Variants in LAPTM4B observed in about 807,000 individuals in gnomAD.
LAPTM4B encodes lysosomal protein transmembrane 4 beta, also known as lysosomal-associated transmembrane protein 4B.
In LAPTM4B, 26 loss-of-function variants were observed where a neutral mutation model predicts 28.5. The ratio of observed to expected loss-of-function variants is 0.91; its 90% CI spans 0.67 to 1.27. The LOEUF (loss-of-function observed/expected upper bound fraction) is 1.27, where lower values mean the gene tolerates loss of function less well. LAPTM4B is among the 50% of genes most tolerant of loss of function. The pLI, the probability that LAPTM4B is intolerant of heterozygous loss-of-function variation, is 0.00. For synonymous variants in LAPTM4B, 109 were observed against 106.4 expected, an observed-to-expected ratio of 1.02 and a Z score of -0.15; for missense variants, 288 against 285.8, an observed-to-expected ratio of 1.01 and a Z score of -0.06.
chr8:97,843,641 G>A (rs968712433), intron 6 of LAPTM4B, among the ~76,000 whole-genome samples: 1 of 151,996 alleles, frequency 6.6e-6, no homozygotes, highest in Non-Finnish European at 1.5e-5. Flanking sequence ...TTAGCCAGGT[G>A]TGGTGGCAGG....
chr8:97,790,459 A>G (rs1414878288), intron 1 of LAPTM4B, among the ~76,000 whole-genome samples: 5 of 151,468 alleles, frequency 3.3e-5, no homozygotes, highest in African/African-American at 1.2e-4. Context: ...CTAAAGGCAC[A>G]TACCACCATG....
intron 1 of LAPTM4B, among the ~76,000 whole-genome samples, chr8:97,794,329 C>T (rs1816549528): frequency 6.6e-6 from 1 of 152,108 alleles, no homozygotes; most frequent in South Asian, 2.1e-4. Flanking sequence ...ATTAGCTCAT[C>T]TTGAACTTTT....
At chr8:97,846,983 G>A (rs145840184) in intron 6 of LAPTM4B, among the ~76,000 whole-genome samples, 38 of 152,300 alleles carry the variant, frequency 2.5e-4, no homozygotes, top group African/African-American at 8.9e-4. Flanking sequence ...TGTTGATGTA[G>A]CTGAGAAGAA....
intron 6 of LAPTM4B, among the ~76,000 whole-genome samples, chr8:97,844,306 A>G (rs1420719623): frequency 6.6e-6 from 1 of 152,080 alleles, no homozygotes; most frequent in Non-Finnish European, 1.5e-5. Context: ...TATGTTGCCT[A>G]GGCTGGTCCT....
chr8:97,801,854 A>G, intron 1 of LAPTM4B, among the ~76,000 whole-genome samples: 1 of 151,878 alleles, frequency 6.6e-6, no homozygotes, highest in Admixed American at 6.6e-5. Flanking sequence ...AAAAAAAAAA[A>G]AAAAAAAGTA....
At chr8:97,805,320 A>AT in intron 1 of LAPTM4B, 33 bp from the exon 2 acceptor site, 1 of 1,087,020 alleles carries the variant, frequency 9.2e-7, no homozygotes, top group South Asian at 1.4e-5. Context: ...GGGTTACTTA[A>AT]ATTCTTTTTT....
Position 97,805,297 on chromosome 8 carries a change from G to A in LAPTM4B, c.100-56G>A, listed in dbSNP as rs1300729559. ...TGGTCAGTGTAATTTTCTATTATAA[G>A]GATTGCATCCTGGGGTTACTTAAAT... On this transcript the variant is annotated intron_variant, in intron 1 of 6. Transcript: ENST00000521545. 7 of 1,010,666 alleles carry A rather than the reference G, an allele frequency of 6.9e-6. No homozygotes were observed. In the Middle Eastern group the frequency reaches 6.6e-4, roughly 96 times the overall value. The allele number at this position is 1,010,666 out of a possible 1,614,324, so 62.6% of individuals were successfully genotyped here. A position where few individuals can be genotyped will look rare whatever the true frequency, so the allele number is the denominator to read the frequency against.
intron 6 of LAPTM4B, among the ~76,000 whole-genome samples, chr8:97,831,457 G>A (rs773838458): frequency 2.6e-5 from 4 of 152,158 alleles, no homozygotes; most frequent in Non-Finnish European, 5.9e-5. Context: ...ATTTTAGGAA[G>A]CCTTGGGGAG....
intron 1 of LAPTM4B, among the ~76,000 whole-genome samples, chr8:97,790,280 G>A (rs1816478129): frequency 6.6e-6 from 1 of 151,344 alleles, no homozygotes; most frequent in Non-Finnish European, 1.5e-5. Context: ...AGTTTTTTGA[G>A]GAACCTCCAA....
intron 1 of LAPTM4B, among the ~76,000 whole-genome samples, chr8:97,799,232 C>G (rs1816635906): frequency 1.3e-5 from 2 of 152,182 alleles, no homozygotes; most frequent in African/African-American, 4.8e-5. Flanking sequence ...CTTAGCCAGA[C>G]TATTGTAGGT....
Position 97,779,468 on chromosome 8 carries a change from G to A in LAPTM4B, c.99+3360G>A, listed in dbSNP as rs149156489. On this transcript the variant is annotated intron_variant, in intron 1 of 6. Coordinates refer to ENST00000521545, the MANE Select transcript of LAPTM4B (RefSeq NM_018407.6). ...CCACTGCACTCTAGCCTGGGTGACA[G>A]TGAGACTCTGTCTCAAAAAAAGAAA... Among the ~76,000 whole-genome samples, 1,093 of 152,060 alleles carry A rather than the reference G, an allele frequency of 7.2e-3. 16 individuals carry two copies. Among genetic ancestry groups the A allele is most frequent in the African/African-American group, 0.024 (1,010 of 41,458 alleles).
At chr8:97,788,535 C>T (rs1403931840) in intron 1 of LAPTM4B, among the ~76,000 whole-genome samples, 1 of 152,094 alleles carries the variant, frequency 6.6e-6, no homozygotes, top group Non-Finnish European at 1.5e-5. Context: ...CAGGTATGAG[C>T]CACCACGCCT....
At chr8:97,844,288 G>A (rs953471529) in intron 6 of LAPTM4B, among the ~76,000 whole-genome samples, 2 of 151,984 alleles carry the variant, frequency 1.3e-5, no homozygotes, top group African/African-American at 4.8e-5. Context: ...GTTGAGATGG[G>A]GTCTTGCTAT....
At chr8:97,849,916 C>A (rs927465930) in intron 6 of LAPTM4B, among the ~76,000 whole-genome samples, 2 of 149,466 alleles carry the variant, frequency 1.3e-5, no homozygotes, top group Non-Finnish European at 2.9e-5. Flanking sequence ...GGTGGCAGCG[C>A]CTCTCAGGCG....
chr8:97,823,792 G>T (rs1817049141), intron 5 of LAPTM4B, among the ~76,000 whole-genome samples: 1 of 151,464 alleles, frequency 6.6e-6, no homozygotes, highest in Non-Finnish European at 1.5e-5. Context: ...CCACCTCCCG[G>T]GTTCAAGCAA....
intron 3 of LAPTM4B, among the ~76,000 whole-genome samples, chr8:97,815,787 C>T (rs951083820): frequency 2.0e-5 from 3 of 152,018 alleles, no homozygotes; most frequent in African/African-American, 4.8e-5. Flanking sequence ...AGGCTAGTCT[C>T]GAACTCCTGA....
At chr8:97,792,454 C>T (rs1035801118) in intron 1 of LAPTM4B, among the ~76,000 whole-genome samples, 28 of 152,152 alleles carry the variant, frequency 1.8e-4, no homozygotes, top group Non-Finnish European at 5.9e-5. Context: ...TGGGTTTCAC[C>T]ATGTTGTTCA....
intron 6 of LAPTM4B, among the ~76,000 whole-genome samples, chr8:97,827,397 G>A (rs1206829298): frequency 6.6e-6 from 1 of 152,222 alleles, no homozygotes; most frequent in Non-Finnish European, 1.5e-5. Context: ...GGTTCCTTGA[G>A]GGTGGTACAC....
chr8:97,836,519 T>C (rs1215873576), intron 6 of LAPTM4B, among the ~76,000 whole-genome samples: 2 of 152,152 alleles, frequency 1.3e-5, no homozygotes, highest in African/African-American at 4.8e-5. Context: ...TAAACCTATG[T>C]GACCTTGTTT....
Sources: gnomAD v4.1 joint callset for allele counts (sites outside exome capture counted in the v4.1 genomes callset) on GRCh38, gnomAD v4.1.1 for gene constraint, MANE v1.5 for transcripts, NCBI Gene and HGNC (gene_info 2026-07-23, HGNC 2026-07-21) for gene names.